Variants in GALNTL6 observed in about 807,000 individuals in gnomAD.
The protein encoded by GALNTL6 is polypeptide N-acetylgalactosaminyltransferase like 6, also known as polypeptide N-acetylgalactosaminyltransferase-like 6.
In GALNTL6, 46 loss-of-function variants were observed where a neutral mutation model predicts 73.7. The ratio of observed to expected loss-of-function variants is 0.62; its 90% CI spans 0.49 to 0.80. The LOEUF (loss-of-function observed/expected upper bound fraction) is 0.80, where lower values mean the gene tolerates loss of function less well. GALNTL6 is among the 30% of genes least tolerant of loss of function. The pLI, the probability that GALNTL6 is intolerant of heterozygous loss-of-function variation, is 0.00. For synonymous variants in GALNTL6, 259 were observed against 263.7 expected, an observed-to-expected ratio of 0.98 and a Z score of 0.17; for missense variants, 604 against 755.0, an observed-to-expected ratio of 0.80 and a Z score of 2.34.
At chr4:173,038,541 G>A (rs944121771) in intron 12 of GALNTL6, among the ~76,000 whole-genome samples, 1 of 152,200 alleles carries the variant, frequency 6.6e-6, no homozygotes, top group Admixed American at 6.5e-5. Flanking sequence ...GATCTCAGGA[G>A]CCCTCTTTGT....
intron 5 of GALNTL6, among the ~76,000 whole-genome samples, chr4:172,781,414 A>G (rs1315367684): frequency 6.6e-6 from 1 of 152,230 alleles, no homozygotes; most frequent in Non-Finnish European, 1.5e-5. Flanking sequence ...AAAGGATATC[A>G]TATCTGGATT....
rs372968905 is a variant in GALNTL6, at chr4:172,648,630, C to A, written c.554-160731C>A. Among the ~76,000 whole-genome samples, 8 of 152,264 alleles carry A rather than the reference C, an allele frequency of 5.3e-5. No individual in the cohort carries two copies. The East Asian group carries it at 9.7e-4, about 18-fold the overall frequency. ...CATACCCAAAGACTGAGTCTACATTCATTCAGTGAACAGTATAATACATGC... is the reference window on the plus strand; with the variant it reads ...CATACCCAAAGACTGAGTCTACATTAATTCAGTGAACAGTATAATACATGC... On this transcript the variant is annotated intron_variant, in intron 5 of 12. Transcript: ENST00000506823.
At chr4:172,868,980 T>C (rs1439516315) in intron 7 of GALNTL6, among the ~76,000 whole-genome samples, 2 of 152,180 alleles carry the variant, frequency 1.3e-5, no homozygotes, top group African/African-American at 2.4e-5. Flanking sequence ...CAGGCTGACA[T>C]GCTGCATGAC....
intron 5 of GALNTL6, among the ~76,000 whole-genome samples, chr4:172,722,139 G>A (rs569755130): frequency 6.6e-6 from 1 of 150,802 alleles, no homozygotes; most frequent in East Asian, 2.0e-4. Flanking sequence ...AGTTGTGTTA[G>A]AAATCTTTGT....
intron 3 of GALNTL6, among the ~76,000 whole-genome samples, chr4:172,267,204 T>C (rs1738477951): frequency 6.6e-6 from 1 of 152,158 alleles, no homozygotes. Context: ...TGATTGATGG[T>C]TACAAATGCT....
At chr4:172,169,926 C>CACAACAACTCTTTATTCT (rs746124409) in intron 2 of GALNTL6, among the ~76,000 whole-genome samples, 32 of 152,316 alleles carry the variant, frequency 2.1e-4, no homozygotes, top group Non-Finnish European at 3.7e-4. Flanking sequence ...ATTTGGTCAT[C>CACAACAACTCTTTATTCT]ACAACAACTC....
chr4:172,273,181 C>CAA (rs1370611411), intron 3 of GALNTL6, among the ~76,000 whole-genome samples: 2 of 152,080 alleles, frequency 1.3e-5, no homozygotes, highest in African/African-American at 4.8e-5. Flanking sequence ...CCCATTTGCA[C>CAA]CTTAGAATAA....
At chr4:172,612,517 T>G (rs1192969398) in intron 5 of GALNTL6, among the ~76,000 whole-genome samples, 2 of 152,000 alleles carry the variant, frequency 1.3e-5, no homozygotes, top group East Asian at 3.9e-4. Flanking sequence ...AAACCTACTC[T>G]TGAGTCACAC....
At chr4:172,821,875 G>C (rs978366143) in intron 7 of GALNTL6, among the ~76,000 whole-genome samples, 1 of 152,130 alleles carries the variant, frequency 6.6e-6, no homozygotes, top group African/African-American at 2.4e-5. Context: ...ATGTTCCAAA[G>C]CAAAGTTGTA....
chr4:172,482,322 A>G (rs999893907), intron 5 of GALNTL6, among the ~76,000 whole-genome samples: 11 of 152,224 alleles, frequency 7.2e-5, no homozygotes, highest in Admixed American at 2.6e-4. Context: ...GGGCTCCCAC[A>G]TTACAGCAAC....
chr4:173,001,412 A>C (rs989370549), intron 10 of GALNTL6, among the ~76,000 whole-genome samples: 2 of 152,012 alleles, frequency 1.3e-5, no homozygotes, highest in Non-Finnish European at 2.9e-5. Flanking sequence ...AAAACTATAA[A>C]ACTCAGAATA....
rs572168156 is a variant in GALNTL6, at chr4:171,902,804, A to C, written c.138+88086A>C. 1.4e-4 allele frequency among the ~76,000 whole-genome samples: 22 copies of C among 152,284 alleles called. No individual in the cohort carries two copies. In the South Asian group the frequency reaches 3.1e-3, roughly 22 times the overall value. On this transcript the variant is annotated intron_variant, in intron 2 of 12. Transcript: ENST00000506823. ...TCTAGACGTGGACATTAATTGGTTT[A>C]TCTTGGAGGGACAGAAAATGGAAAG...
At chr4:171,913,290 T>G (rs1212469690) in intron 2 of GALNTL6, among the ~76,000 whole-genome samples, 1 of 152,252 alleles carries the variant, frequency 6.6e-6, no homozygotes, top group African/African-American at 2.4e-5. Context: ...GAGGCATTTA[T>G]GGCTGGACCT....
chr4:172,757,777 A>G lies in GALNTL6; in HGVS notation c.554-51584A>G, dbSNP rs554781594. ...AATTGAATGTGGTCTACCTTTTCAA[A>G]TGGAAAGTAAATGTTGAGATGTTAC... On this transcript the variant is annotated intron_variant, in intron 5 of 12. Transcript: ENST00000506823. Among the ~76,000 whole-genome samples, 146 of 152,340 alleles carry G rather than the reference A, an allele frequency of 9.6e-4. 1 individual carries two copies. The highest frequency in any genetic ancestry group is 3.4e-3 in the Middle Eastern group (1 of 292).
chr4:172,088,900 C>T (rs1732121425), intron 2 of GALNTL6, among the ~76,000 whole-genome samples: 1 of 152,186 alleles, frequency 6.6e-6, no homozygotes, highest in East Asian at 1.9e-4. Context: ...TTCCTTCAGT[C>T]CCCTGTTTAA....
chr4:172,656,590 C>T (rs1231549430), intron 5 of GALNTL6, among the ~76,000 whole-genome samples: 4 of 152,144 alleles, frequency 2.6e-5, no homozygotes, highest in Non-Finnish European at 5.9e-5. Flanking sequence ...TGCAATGACA[C>T]GGTGTTCTGT....
At chr4:172,734,123 T>G (rs1458830236) in intron 5 of GALNTL6, among the ~76,000 whole-genome samples, 1 of 152,184 alleles carries the variant, frequency 6.6e-6, no homozygotes, top group Non-Finnish European at 1.5e-5. Context: ...TGGTGACATT[T>G]TGCCTCTGCC....
At chr4:172,036,803 C>G (rs1741941239) in intron 2 of GALNTL6, among the ~76,000 whole-genome samples, 1 of 152,062 alleles carries the variant, frequency 6.6e-6, no homozygotes, top group African/African-American at 2.4e-5. Context: ...TTATTTATTA[C>G]ACAAAGGTTA....
chr4:171,916,257 A>G (rs1428288859), intron 2 of GALNTL6, among the ~76,000 whole-genome samples: 2 of 150,610 alleles, frequency 1.3e-5, no homozygotes, highest in African/African-American at 4.9e-5. Context: ...AGAGATGCTG[A>G]AAAAAAAAGC....
Sources: gnomAD v4.1 joint callset for allele counts (sites outside exome capture counted in the v4.1 genomes callset) on GRCh38, gnomAD v4.1.1 for gene constraint, MANE v1.5 for transcripts, NCBI Gene and HGNC (gene_info 2026-07-23, HGNC 2026-07-21) for gene names.